The following DOCK3 variants were observed in gnomAD, a reference collection of about 807,000 sequenced individuals.
DOCK3 encodes the protein dedicator of cytokinesis 3.
A neutral mutation model predicts 265.6 loss-of-function variants in DOCK3; 60 were observed. That is an observed-to-expected ratio of 0.23 (90% CI 0.18 to 0.28). DOCK3 has a LOEUF of 0.28. Ranked by LOEUF, DOCK3 falls within the 10% of genes least tolerant of loss-of-function variation. The pLI, the probability that DOCK3 is intolerant of heterozygous loss-of-function variation, is 1.00. For synonymous variants in DOCK3, 881 were observed against 938.0 expected (o/e 0.94, Z 1.11); for missense variants, 1,981 against 2,594.3 (o/e 0.76, Z 5.14).
At position 51,354,968 on chromosome 3, in the gene DOCK3, C is replaced by T. The variant is rs1296735194; in HGVS notation, c.4194C>T (p.Val1398=). The T allele has an allele frequency of 4.3e-6, 7 of 1,613,904 alleles. No individual in the cohort carries two copies. Among genetic ancestry groups the T allele is most frequent in the East Asian group, 4.5e-5 (2 of 44,872 alleles). Reference sequence around the variant, plus strand: ...TGCTCAGTGAGTTTCCGCAGGCTGTCGCCATGCAGCACCCCAACCATCCTG... The same window carrying T: ...TGCTCAGTGAGTTTCCGCAGGCTGTTGCCATGCAGCACCCCAACCATCCTG... ...QRMLSEFPQA[V]AMQHPNHPDD... The change falls in exon 41 of 53, where the codon GTC becomes GTT. Residue 1398 remains valine, a synonymous_variant. Transcript: ENST00000266037.
At position 50,906,967 on chromosome 3, in the gene DOCK3, A is replaced by T. The variant is rs967073374; in HGVS notation, c.218+16886A>T. ...TCTGGTATGTTGTGTCTTTGTTCTC[A>T]TTGGTTTCAAAGAACATCTTTATTT... On this transcript the variant is annotated intron_variant, in intron 4 of 52. Coordinates refer to ENST00000266037, the MANE Select transcript of DOCK3 (RefSeq NM_004947.5). 3.3e-5 allele frequency among the ~76,000 whole-genome samples: 5 copies of T among 151,878 alleles called. No individual in the cohort carries two copies. The South Asian group carries it at 1.0e-3, about 31-fold the overall frequency.
chr3:50,729,824 ATTTT>A (rs60842906), intron 1 of DOCK3, among the ~76,000 whole-genome samples: 22 of 109,054 alleles, frequency 2.0e-4, no homozygotes, highest in East Asian at 1.8e-3. Flanking sequence ...TCTGAATTTC[ATTTT>A]TTTTTTTTTT....
rs547451755 is a variant in DOCK3, at chr3:51,113,598, AGACAC to A, written c.746+23215_746+23219del. Among the ~76,000 whole-genome samples, 131 of 152,294 alleles carry A rather than the reference AGACAC, an allele frequency of 8.6e-4. 3 individuals are homozygous for A. The South Asian group carries it at 0.026, about 31-fold the overall frequency. ...TAAATCAGACAGACTTCCAGTCATA[AGACAC>A]TGAGACACTGCAAGACCCCAGATAA... On this transcript the variant is annotated intron_variant, in intron 9 of 52. Coordinates refer to ENST00000266037, the MANE Select transcript of DOCK3 (RefSeq NM_004947.5).
chr3:51,145,687 G>A (rs557610634), intron 9 of DOCK3, among the ~76,000 whole-genome samples: 4 of 151,992 alleles, frequency 2.6e-5, no homozygotes, highest in South Asian at 4.2e-4. Context: ...CTTCCAATGC[G>A]ACCCAGGGTA....
At chr3:51,043,731 A>C (rs1307234656) in intron 5 of DOCK3, among the ~76,000 whole-genome samples, 1 of 152,104 alleles carries the variant, frequency 6.6e-6, no homozygotes, top group East Asian at 1.9e-4. Flanking sequence ...ACACAAATTT[A>C]CAAGAAAAAA....
At chr3:51,055,267 G>C (rs1220364090) in intron 5 of DOCK3, among the ~76,000 whole-genome samples, 8 of 152,148 alleles carry the variant, frequency 5.3e-5, no homozygotes, top group Non-Finnish European at 2.9e-5. Flanking sequence ...GAAAGGGTTG[G>C]GGGTAAAGGG....
At chr3:51,122,479 ATAAT>A (rs1198626292) in intron 9 of DOCK3, among the ~76,000 whole-genome samples, 1 of 152,200 alleles carries the variant, frequency 6.6e-6, no homozygotes, top group Non-Finnish European at 1.5e-5. Flanking sequence ...AGAAAGGAAA[ATAAT>A]TAAACATTTA....
At chr3:50,917,252 AC>A (rs1425157722) in intron 4 of DOCK3, among the ~76,000 whole-genome samples, 2 of 152,106 alleles carry the variant, frequency 1.3e-5, no homozygotes, top group African/African-American at 4.8e-5. Context: ...GTAGAGATTA[AC>A]CATTCTTTAA....
intron 2 of DOCK3, among the ~76,000 whole-genome samples, chr3:50,829,474 T>C (rs903753203): frequency 1.6e-4 from 24 of 152,266 alleles, no homozygotes; most frequent in African/African-American, 5.5e-4. Context: ...TTCACTTCTT[T>C]CTGAGATTTT....
At chr3:50,984,819 CAG>C (rs931370926) in intron 5 of DOCK3, among the ~76,000 whole-genome samples, 12 of 151,958 alleles carry the variant, frequency 7.9e-5, no homozygotes, top group East Asian at 1.9e-4. Flanking sequence ...TAAAACAAAA[CAG>C]AAATTTAAAA....
intron 5 of DOCK3, among the ~76,000 whole-genome samples, chr3:51,017,491 C>T (rs2079399175): frequency 1.3e-5 from 2 of 151,626 alleles, no homozygotes; most frequent in Non-Finnish European, 2.9e-5. Context: ...GACATGGGTA[C>T]TTGTAGCTAT....
Position 51,208,812 on chromosome 3 carries a change from A to G in DOCK3, c.1076A>G (p.Asn359Ser). Residue 359 changes from asparagine to serine, a missense_variant, in exon 13 of 53, where the codon AAC becomes AGC. This residue lies in a region of DOCK3 where 456 missense variants were observed against 539.0 expected (regional missense o/e 0.85). Coordinates refer to ENST00000266037, the MANE Select transcript of DOCK3 (RefSeq NM_004947.5). ...NESEWSQIHE[N>S]IIRKSSAKYS... ...AGTGAGTGGTCCCAGATCCACGAGA[A>G]CATCATCCGAAAGTCCAGTGCCAAG... 1 of 1,612,228 alleles carries G rather than the reference A, an allele frequency of 6.2e-7. No homozygotes were observed. Among genetic ancestry groups the G allele is most frequent in the South Asian group, 1.1e-5 (1 of 90,488 alleles).
At chr3:51,099,685 C>T (rs980296889) in intron 9 of DOCK3, among the ~76,000 whole-genome samples, 1 of 152,172 alleles carries the variant, frequency 6.6e-6, no homozygotes, top group Non-Finnish European at 1.5e-5. Context: ...CTGTTATAGG[C>T]TCTAGTAATA....
At chr3:51,004,714 GT>G (rs56348225) in intron 5 of DOCK3, among the ~76,000 whole-genome samples, 28,001 of 118,406 alleles carry the variant, frequency 0.24, 3,284 homozygotes, top group East Asian at 0.55. Context: ...AGAGATTTAA[GT>G]TTTTTTTTTT....
At chr3:50,957,119 T>C (rs1278316813) in intron 5 of DOCK3, among the ~76,000 whole-genome samples, 3 of 152,228 alleles carry the variant, frequency 2.0e-5, no homozygotes, top group Non-Finnish European at 4.4e-5. Flanking sequence ...CAATGCTAAG[T>C]CATGGACAAA....
intron 1 of DOCK3, among the ~76,000 whole-genome samples, chr3:50,718,475 C>T (rs1408612812): frequency 6.6e-6 from 1 of 152,144 alleles, no homozygotes; most frequent in African/African-American, 2.4e-5. Context: ...GCTAGTATGA[C>T]TTTAAACCCC....
At chr3:50,976,725 C>T (rs1159095833) in intron 5 of DOCK3, among the ~76,000 whole-genome samples, 1 of 151,140 alleles carries the variant, frequency 6.6e-6, no homozygotes, top group Admixed American at 6.6e-5. Context: ...GTTGATCTGT[C>T]TAATGTTGAC....
chr3:50,992,544 G>A (rs1195750573), intron 5 of DOCK3, among the ~76,000 whole-genome samples: 1 of 152,172 alleles, frequency 6.6e-6, no homozygotes, highest in Non-Finnish European at 1.5e-5. Flanking sequence ...TGATCCGCAC[G>A]CCTCAGCCTC....
intron 26 of DOCK3, among the ~76,000 whole-genome samples, chr3:51,279,376 T>G (rs908114890): frequency 6.6e-6 from 1 of 152,142 alleles, no homozygotes; most frequent in Non-Finnish European, 1.5e-5. Context: ...ATGTTCTCCC[T>G]CCCTTTTAAG....
Sources: gnomAD v4.1 joint callset for allele counts (sites outside exome capture counted in the v4.1 genomes callset) on GRCh38, gnomAD v4.1.1 for gene constraint, gnomAD v4.1.1 regional missense constraint, MANE v1.5 for transcripts, NCBI Gene and HGNC (gene_info 2026-07-23, HGNC 2026-07-21) for gene names.